The following CNBD1 variants were observed in gnomAD, a reference collection of about 807,000 sequenced individuals.
The protein encoded by CNBD1 is cyclic nucleotide-binding domain-containing protein 1.
In CNBD1, 71 loss-of-function variants were observed where a neutral mutation model predicts 54.4. The ratio of observed to expected loss-of-function variants is 1.30; its 90% CI spans 1.08 to 1.59. CNBD1 has a LOEUF of 1.59. Among genes scored for constraint, CNBD1 ranks in the 40% most tolerant of loss-of-function variants. The pLI is 0.00. For synonymous variants in CNBD1, 182 were observed against 170.7 expected (o/e 1.07, Z -0.51); for missense variants, 659 against 518.0 (o/e 1.27, Z -2.64).
Position 87,143,837 on chromosome 8 carries a change from AAT to A in CNBD1, c.432-62155_432-62154del, listed in dbSNP as rs780428851. On this transcript the variant is annotated intron_variant, in intron 4 of 10. Transcript: ENST00000518476. Reference sequence around the variant, plus strand: ...ATGGAGAATAAAATCTTTTATATGTAATTTTTAAAAAACATTATTTTAAGACA... The same window carrying A: ...ATGGAGAATAAAATCTTTTATATGTATTTTAAAAAACATTATTTTAAGACA... 3.9e-4 allele frequency among the ~76,000 whole-genome samples: 59 copies of A among 152,140 alleles called. 1 individual carries two copies. Among genetic ancestry groups the A allele is most frequent in the Non-Finnish European group, 8.8e-5 (6 of 68,010 alleles).
intron 4 of CNBD1, among the ~76,000 whole-genome samples, chr8:87,059,703 C>T (rs972786523): frequency 3.3e-5 from 5 of 152,236 alleles, no homozygotes; most frequent in African/African-American, 1.2e-4. Context: ...GATTCAATTA[C>T]CTCCCACTGG....
Position 87,134,594 on chromosome 8 carries a change from C to CTTT in CNBD1, c.432-71375_432-71373dup, listed in dbSNP as rs1167232265. ...GATTCACCTTTGTTAATTAGATTAC[C>CTTT]TTTTTTTTTTTTTTTTTTTTTTTTT... On this transcript the variant is annotated intron_variant, in intron 4 of 10. Transcript: ENST00000518476. Among the ~76,000 whole-genome samples the CTTT allele has an allele frequency of 1.5e-3, 130 of 86,988 alleles. 19 individuals carry two copies. The highest frequency in any genetic ancestry group is 3.7e-3 in the African/African-American group (86 of 23,532). The allele number at this position is 86,988 out of a possible 152,430, so 57.1% of individuals were successfully genotyped here.
At chr8:87,423,330 G>A (rs1247299643) in intron 2 of CNBD1, among the ~76,000 whole-genome samples, 2 of 148,324 alleles carry the variant, frequency 1.3e-5, no homozygotes, top group Admixed American at 6.7e-5. Context: ...GGAGTGGTGA[G>A]AGAGGGCATC....
chr8:87,251,576 G>T (rs1045936980), intron 6 of CNBD1, among the ~76,000 whole-genome samples: 7 of 132,248 alleles, frequency 5.3e-5, no homozygotes, highest in Admixed American at 2.4e-4. Flanking sequence ...CAACAAGAGC[G>T]AAACTCTGTC....
chr8:87,370,313 A>G (rs557935455), intron 10 of CNBD1, among the ~76,000 whole-genome samples: 2 of 152,192 alleles, frequency 1.3e-5, no homozygotes, highest in African/African-American at 2.4e-5. Flanking sequence ...ACTGACTTCC[A>G]TAATGGTTGA....
At chr8:87,230,794 T>G (rs1814671595) in intron 5 of CNBD1, among the ~76,000 whole-genome samples, 1 of 152,182 alleles carries the variant, frequency 6.6e-6, no homozygotes, top group African/African-American at 2.4e-5. Flanking sequence ...ATTAAGAGGT[T>G]GCTTCTTAAG....
chr8:87,345,618 C>T (rs1563562718), intron 8 of CNBD1, among the ~76,000 whole-genome samples: 1 of 151,942 alleles, frequency 6.6e-6, no homozygotes, highest in Admixed American at 6.6e-5. Context: ...AATAATTGTT[C>T]AAAATAATGA....
intron 6 of CNBD1, among the ~76,000 whole-genome samples, chr8:87,259,857 A>G (rs993213444): frequency 5.9e-5 from 9 of 152,162 alleles, no homozygotes; most frequent in Non-Finnish European, 1.0e-4. Context: ...ACTCTTTAAT[A>G]AAGTCCTTTT....
At chr8:87,401,279 G>T (rs1563587938) in intron 2 of CNBD1, among the ~76,000 whole-genome samples, 1 of 151,874 alleles carries the variant, frequency 6.6e-6, no homozygotes, top group African/African-American at 2.4e-5. Flanking sequence ...AATTCCTAAG[G>T]CCATCCCCAA....
chr8:86,895,016 G>A (rs1808829081), intron 2 of CNBD1, among the ~76,000 whole-genome samples: 1 of 152,070 alleles, frequency 6.6e-6, no homozygotes, highest in Non-Finnish European at 1.5e-5. Flanking sequence ...AAGACACCAA[G>A]GACTAGACTT....
rs368270010 is a variant in CNBD1 at position 86,928,207 on chromosome 8, T to A, written c.273-11389T>A. 1.2e-4 allele frequency among the ~76,000 whole-genome samples: 18 copies of A among 152,286 alleles called. No homozygotes were observed. The South Asian group carries it at 3.7e-3, about 32-fold the overall frequency. On this transcript the variant is annotated intron_variant, in intron 3 of 10. Transcript: ENST00000518476. ...CAAAGAAGTTATATCCTTGACCAAG[T>A]TGGCCGTTTCCTGATCAAGTAGGAA... is the stretch of plus-strand genomic sequence containing the variant.
At chr8:86,899,329 C>T (rs532902058) in intron 2 of CNBD1, among the ~76,000 whole-genome samples, 1 of 151,124 alleles carries the variant, frequency 6.6e-6, no homozygotes, top group East Asian at 1.9e-4. Context: ...GCTGTTCTTG[C>T]CACAAAAAAA....
intron 6 of CNBD1, among the ~76,000 whole-genome samples, chr8:87,276,688 A>C (rs1345500277): frequency 6.6e-6 from 1 of 151,858 alleles, no homozygotes; most frequent in Non-Finnish European, 1.5e-5. Context: ...TAACAGTTTG[A>C]AGGTTTTGAA....
Position 87,077,412 on chromosome 8 carries a change from C to CTTTT in CNBD1, c.432-128566_432-128563dup, listed in dbSNP as rs374931620. Among the ~76,000 whole-genome samples the CTTTT allele has an allele frequency of 5.2e-3, 676 of 129,422 alleles. 7 individuals carry two copies. Among genetic ancestry groups the CTTTT allele is most frequent in the African/African-American group, 0.017 (590 of 34,972 alleles). 84.9% of individuals were successfully genotyped at this position (129,422 alleles called of 152,430 possible). A position where few individuals can be genotyped will look rare whatever the true frequency, so the allele number is the denominator to read the frequency against. The stretch of plus-strand genomic sequence containing the variant: ...TCTTAGGCCTCTTCTTCTTCTTCTT[C>CTTTT]TTTTTTTTTTTTTTTTTTATTATAC... On this transcript the variant is annotated intron_variant, in intron 4 of 10. Transcript: ENST00000518476.
At position 86,942,706 on chromosome 8, in the gene CNBD1, G is replaced by T. The variant is rs944986267; in HGVS notation, c.431+2952G>T. Among the ~76,000 whole-genome samples the T allele has an allele frequency of 2.6e-5, 4 of 152,192 alleles. No homozygotes were observed. The South Asian group carries it at 8.3e-4, about 32-fold the overall frequency. On this transcript the variant is annotated intron_variant, in intron 4 of 10. Transcript: ENST00000518476. Reference sequence around the variant, plus strand: ...ATCAGGGGCCTATATATCCCATCGGGTTTTGCAGTATTCCCAAATCATAGA... The same window carrying T: ...ATCAGGGGCCTATATATCCCATCGGTTTTTGCAGTATTCCCAAATCATAGA...
intron 4 of CNBD1, among the ~76,000 whole-genome samples, chr8:87,029,457 G>A (rs1373076360): frequency 6.6e-6 from 1 of 152,176 alleles, no homozygotes; most frequent in African/African-American, 2.4e-5. Context: ...GTGTAGTTAT[G>A]TCACATAGAC....
Position 87,174,014 on chromosome 8 carries a change from A to G in CNBD1, c.432-31979A>G, listed in dbSNP as rs534244624. Among the ~76,000 whole-genome samples the G allele has an allele frequency of 1.3e-3, 203 of 152,024 alleles. 2 individuals carry two copies. The highest frequency in any genetic ancestry group is 4.6e-3 in the African/African-American group (191 of 41,496). ...TCACTCTGTCACCAGGCTGGAGTGC[A>G]GTGGCACGATCTCGGCTCACTGCAA... On this transcript the variant is annotated intron_variant, in intron 4 of 10. Transcript: ENST00000518476.
chr8:87,288,851 A>G (rs1029806227), intron 8 of CNBD1, among the ~76,000 whole-genome samples: 24 of 152,132 alleles, frequency 1.6e-4, no homozygotes, highest in African/African-American at 5.8e-4. Context: ...TTAGAGAAGA[A>G]TGACAATTTC....
intron 8 of CNBD1, among the ~76,000 whole-genome samples, chr8:87,331,334 G>A (rs187327381): frequency 6.6e-6 from 1 of 152,226 alleles, no homozygotes; most frequent in Admixed American, 6.5e-5. Context: ...GTACTTGTGT[G>A]AGTTTGTTGA....
Sources: allele counts gnomAD v4.1 joint callset (sites outside exome capture counted in the v4.1 genomes callset), GRCh38; gene constraint gnomAD v4.1.1; transcripts MANE v1.5; gene names NCBI Gene and HGNC (gene_info 2026-07-23, HGNC 2026-07-21).